Variants in ST6GALNAC3 observed in about 807,000 individuals in gnomAD.
ST6GALNAC3 encodes the protein ST6 N-acetylgalactosaminide alpha-2,6-sialyltransferase 3, also known as alpha-N-acetylgalactosaminide alpha-2,6-sialyltransferase 3.
A neutral mutation model predicts 32.7 loss-of-function variants in ST6GALNAC3; 25 were observed. The observed-to-expected ratio is 0.76, with a 90% CI of 0.56 to 1.07. The LOEUF (loss-of-function observed/expected upper bound fraction) is 1.07. Among genes scored for constraint, ST6GALNAC3 ranks in the 50% least tolerant of loss-of-function variants. ST6GALNAC3 has a pLI of 0.00. For missense variants in ST6GALNAC3, 355 were observed against 382.4 expected (o/e 0.93, Z 0.60); for synonymous variants, 129 against 133.1 (o/e 0.97, Z 0.21).
intron 1 of ST6GALNAC3, among the ~76,000 whole-genome samples, chr1:76,186,435 C>A (rs568164722): frequency 7.9e-5 from 12 of 152,240 alleles, no homozygotes; most frequent in Admixed American, 4.6e-4. Flanking sequence ...GGCTTTTCCT[C>A]CTTCATTCCA....
At chr1:76,361,833 G>T (rs950765001) in intron 2 of ST6GALNAC3, among the ~76,000 whole-genome samples, 2 of 150,586 alleles carry the variant, frequency 1.3e-5, no homozygotes, top group South Asian at 4.2e-4. Flanking sequence ...ACAAAAATTA[G>T]CCTGGCATGG....
intron 2 of ST6GALNAC3, among the ~76,000 whole-genome samples, chr1:76,390,136 T>G (rs7536107): frequency 0.99 from 150,008 of 152,104 alleles, 74,012 homozygotes; most frequent in Middle Eastern, 1. Flanking sequence ...TATTTATGTT[T>G]GTTTTATGAT....
At chr1:76,218,563 C>A (rs1325657665) in intron 1 of ST6GALNAC3, among the ~76,000 whole-genome samples, 1 of 152,194 alleles carries the variant, frequency 6.6e-6, no homozygotes, top group Non-Finnish European at 1.5e-5. Context: ...AAGCTGTTCA[C>A]CATTTTCTAA....
chr1:76,346,851 G>GCTCATGTAAATATTCAATA (rs1553182580), intron 2 of ST6GALNAC3, among the ~76,000 whole-genome samples: 2 of 152,056 alleles, frequency 1.3e-5, no homozygotes, highest in Non-Finnish European at 2.9e-5. Context: ...ATAGTCCCTG[G>GCTCATGTAAATATTCAATA]CTCATGTAAA....
At chr1:76,357,247 A>T (rs1189134601) in intron 2 of ST6GALNAC3, among the ~76,000 whole-genome samples, 1 of 144,286 alleles carries the variant, frequency 6.9e-6, no homozygotes, top group East Asian at 2.2e-4. Flanking sequence ...TGATTCTCAT[A>T]ATTCAGCCTC....
chr1:76,292,333 AC>A (rs1430371211), intron 1 of ST6GALNAC3, among the ~76,000 whole-genome samples: 2 of 152,186 alleles, frequency 1.3e-5, no homozygotes, highest in African/African-American at 4.8e-5. Context: ...ACACTGATAC[AC>A]CTGGGCACTG....
At chr1:76,150,026 G>A (rs1466059249) in intron 1 of ST6GALNAC3, among the ~76,000 whole-genome samples, 2 of 152,194 alleles carry the variant, frequency 1.3e-5, no homozygotes, top group Admixed American at 6.5e-5. Flanking sequence ...GAAGAATGGG[G>A]ACTCAGCTCT....
chr1:76,229,610 T>C (rs1186421849), intron 1 of ST6GALNAC3, among the ~76,000 whole-genome samples: 1 of 152,218 alleles, frequency 6.6e-6, no homozygotes, highest in East Asian at 1.9e-4. Context: ...CCAGAGGGCC[T>C]AGTTGGGCAA....
intron 1 of ST6GALNAC3, among the ~76,000 whole-genome samples, chr1:76,225,979 A>C (rs1656044528): frequency 6.6e-6 from 1 of 152,160 alleles, no homozygotes. Flanking sequence ...TTTAATCCTC[A>C]TGAAGGTTAA....
chr1:76,529,401 T>C, intron 3 of ST6GALNAC3, among the ~76,000 whole-genome samples: 1 of 152,140 alleles, frequency 6.6e-6, no homozygotes, highest in Admixed American at 6.6e-5. Context: ...AAAATGATTT[T>C]AAAAGGTGAA....
chr1:76,597,125 G>A (rs1435514541), intron 3 of ST6GALNAC3, among the ~76,000 whole-genome samples: 1 of 152,134 alleles, frequency 6.6e-6, no homozygotes, highest in Non-Finnish European at 1.5e-5. Context: ...GTTGATCAAT[G>A]TTAGGAAGCT....
At chr1:76,153,626 C>T (rs1050112749) in intron 1 of ST6GALNAC3, among the ~76,000 whole-genome samples, 1 of 152,194 alleles carries the variant, frequency 6.6e-6, no homozygotes, top group Admixed American at 6.5e-5. Context: ...TACTCCCTCA[C>T]CTCAGATTTT....
At chr1:76,545,789 T>A (rs1664260759) in intron 3 of ST6GALNAC3, among the ~76,000 whole-genome samples, 1 of 151,926 alleles carries the variant, frequency 6.6e-6, no homozygotes, top group Admixed American at 6.6e-5. Context: ...CCCGAGTAGC[T>A]GGGATTACAG....
chr1:76,310,388 G>C (rs1173224393), intron 1 of ST6GALNAC3, among the ~76,000 whole-genome samples: 2 of 152,130 alleles, frequency 1.3e-5, no homozygotes, highest in Non-Finnish European at 2.9e-5. Flanking sequence ...GCTTAAATGA[G>C]GTAAGGCTGT....
chr1:76,502,737 A>C lies in ST6GALNAC3; in HGVS notation c.623+90320A>C, dbSNP rs190268743. On this transcript the variant is annotated intron_variant, in intron 3 of 4. Coordinates refer to ENST00000328299, the MANE Select transcript of ST6GALNAC3 (RefSeq NM_152996.4). ...TTAGACGTATAAATTTTAAAAGGGC[A>C]CAATTCAACCTGTAACACCATTGTA... Among the ~76,000 whole-genome samples the C allele has an allele frequency of 1.4e-4, 21 of 152,294 alleles. No individual in the cohort carries two copies. The East Asian group carries it at 3.9e-3, about 28-fold the overall frequency.
chr1:76,155,957 A>G (rs575117412), intron 1 of ST6GALNAC3, among the ~76,000 whole-genome samples: 13 of 152,200 alleles, frequency 8.5e-5, no homozygotes, highest in African/African-American at 2.6e-4. Context: ...TACCCAGGAT[A>G]CCGCCTTACC....
At chr1:76,468,953 A>G (rs1332318522) in intron 3 of ST6GALNAC3, among the ~76,000 whole-genome samples, 1 of 152,012 alleles carries the variant, frequency 6.6e-6, no homozygotes, top group Admixed American at 6.6e-5. Flanking sequence ...TTCCTTGGCC[A>G]CTGAACCTGT....
intron 2 of ST6GALNAC3, among the ~76,000 whole-genome samples, chr1:76,393,000 C>G (rs1021792842): frequency 1.3e-5 from 2 of 152,108 alleles, no homozygotes; most frequent in African/African-American, 2.4e-5. Flanking sequence ...CCTTTGCATG[C>G]ATTATACACT....
chr1:76,451,574 G>C (rs1358905866), intron 3 of ST6GALNAC3, among the ~76,000 whole-genome samples: 2 of 152,124 alleles, frequency 1.3e-5, no homozygotes, highest in East Asian at 3.8e-4. Flanking sequence ...CCATTTGTTT[G>C]TGTCACCTAT....
Sources: allele counts gnomAD v4.1 joint callset (sites outside exome capture counted in the v4.1 genomes callset), GRCh38; gene constraint gnomAD v4.1.1; transcripts MANE v1.5; gene names NCBI Gene and HGNC (gene_info 2026-07-23, HGNC 2026-07-21).